Variants in PRMT9 observed in about 807,000 individuals in gnomAD.
PRMT9 encodes protein arginine methyltransferase 9, also known as protein arginine N-methyltransferase 9.
PRMT9 carries 59 observed loss-of-function variants against 83.2 expected under a neutral mutation model. That is an observed-to-expected ratio of 0.71 (90% CI 0.57 to 0.88). The LOEUF (loss-of-function observed/expected upper bound fraction) is 0.88, where lower values mean the gene tolerates loss of function less well. Among genes scored for constraint, PRMT9 ranks in the 40% least tolerant of loss-of-function variants. The pLI is 0.00. For synonymous variants in PRMT9, 333 were observed against 353.2 expected, an observed-to-expected ratio of 0.94 and a Z score of 0.64; for missense variants, 947 against 1,021.9, an observed-to-expected ratio of 0.93 and a Z score of 1.00.
At chr4:147,680,513 A>C in intron 1 of PRMT9, 42 bp from the exon 2 acceptor site, 1 of 1,420,390 alleles carries the variant, frequency 7.0e-7, no homozygotes, top group East Asian at 2.4e-5. Context: ...TCAATAACAT[A>C]AAAGATGAAA....
In PRMT9 at chr4:147,680,484, G is replaced by A. The variant is rs1261597089; in HGVS notation, c.190-13C>T. 6.3e-7 allele frequency: 1 copy of A among 1,593,146 alleles called. No individual in the cohort carries two copies. On this transcript the variant is annotated splice_polypyrimidine_tract_variant and intron_variant, in intron 1 of 11. Coordinates refer to ENST00000322396, the MANE Select transcript of PRMT9 (RefSeq NM_138364.4). ...ACTGAAAAGTTTCCTTTACAAATAA[G>A]AAAAAAATTATGAATTAGTCAATAA...
chr4:147,661,392 A>C (rs1050167594), intron 6 of PRMT9: 5 of 196,868 alleles, frequency 2.5e-5, no homozygotes, highest in Non-Finnish European at 5.1e-5. Flanking sequence ...AAAAACAAAA[A>C]TGGGCAAAAG....
chr4:147,641,911 C>T (rs1188671730), intron 10 of PRMT9, among the ~76,000 whole-genome samples: 1 of 152,204 alleles, frequency 6.6e-6, no homozygotes, highest in East Asian at 1.9e-4. Context: ...ATCCGCCCCA[C>T]CTTTGCCTCT....
chr4:147,683,393 T>C (rs968597626), intron 1 of PRMT9, among the ~76,000 whole-genome samples: 2 of 152,154 alleles, frequency 1.3e-5, no homozygotes, highest in Admixed American at 6.5e-5. Flanking sequence ...GAGAGCTCAG[T>C]TGAGAGCCGA....
At chr4:147,657,341 C>G (rs1460526373) in intron 8 of PRMT9, among the ~76,000 whole-genome samples, 1 of 151,860 alleles carries the variant, frequency 6.6e-6, no homozygotes, top group Non-Finnish European at 1.5e-5. Context: ...CTGGCTAACA[C>G]GGTGAAACTC....
At chr4:147,660,411 G>A (rs1270049511) in intron 7 of PRMT9, among the ~76,000 whole-genome samples, 2 of 152,094 alleles carry the variant, frequency 1.3e-5, no homozygotes, top group Admixed American at 6.6e-5. Flanking sequence ...TCAGCAGATC[G>A]CTTGAGCTCA....
chr4:147,676,752 T>G (rs1314300542), intron 2 of PRMT9, among the ~76,000 whole-genome samples: 2 of 152,144 alleles, frequency 1.3e-5, no homozygotes, highest in African/African-American at 2.4e-5. Context: ...TGAATAAAAC[T>G]TAATACAACT....
intron 5 of PRMT9, among the ~76,000 whole-genome samples, chr4:147,670,233 G>A (rs1183437097): frequency 6.6e-6 from 1 of 152,202 alleles, no homozygotes; most frequent in Non-Finnish European, 1.5e-5. Context: ...AGGCTGGAGT[G>A]CAATGGCGTG....
rs1734332249 is a variant in PRMT9, at chr4:147,654,290, C to G, written c.1607G>C (p.Gly536Ala). The G allele has an allele frequency of 6.2e-7, 1 of 1,614,052 alleles. No individual in the cohort carries two copies. Among genetic ancestry groups the G allele is most frequent in the South Asian group, 1.1e-5 (1 of 91,082 alleles). Reference protein sequence around the residue: ...ALLNNIPYHEGFKMAMSKVLS... With the variant: ...ALLNNIPYHEAFKMAMSKVLS... The stretch of plus-strand genomic sequence containing the variant: ...AACTTTGCTCATTGCCATTTTAAAG[C>G]CTTCATGATATGGGATGTTGTTAAG... Residue 536 changes from glycine to alanine, a missense_variant, in exon 9 of 12, where the codon GGC becomes GCC. Physicochemically the swap from Gly to Ala is moderately conservative, Grantham distance 60 (BLOSUM62 0). Transcript: ENST00000322396.
intron 6 of PRMT9, among the ~76,000 whole-genome samples, chr4:147,666,823 TAAA>T (rs67002013): frequency 8.7e-5 from 11 of 126,438 alleles, no homozygotes; most frequent in Non-Finnish European, 8.5e-5. Context: ...GAACTTTGTT[TAAA>T]AAAAAAAAAA....
At chr4:147,677,253 G>GT (rs1383996117) in intron 2 of PRMT9, among the ~76,000 whole-genome samples, 1 of 151,254 alleles carries the variant, frequency 6.6e-6, no homozygotes, top group Non-Finnish European at 1.5e-5. Flanking sequence ...GTTTTCACCA[G>GT]TTTTTCCTAA....
At chr4:147,640,069 TTTTTTTTTTTTTTTTTTTTTTAA>T (rs1254770679) in intron 10 of PRMT9, among the ~76,000 whole-genome samples, 2 of 86,096 alleles carry the variant, frequency 2.3e-5, no homozygotes, top group Non-Finnish European at 5.2e-5. Flanking sequence ...GTCTTTTTTT[TTTTTTTTTTTTTTTTTTTTTTAA>T]TATAGGGTCT....
intron 8 of PRMT9, 136 bp from the exon 9 acceptor site, chr4:147,654,702 AC>A: frequency 1.5e-6 from 1 of 652,800 alleles, no homozygotes; most frequent in Non-Finnish European, 2.6e-6. Flanking sequence ...CATTTAATAT[AC>A]AAAAAACTAG....
chr4:147,673,227 T>C (rs937197797), intron 3 of PRMT9, 101 bp from the exon 4 acceptor site: 4 of 1,007,832 alleles, frequency 4.0e-6, no homozygotes, highest in Non-Finnish European at 6.1e-6. Context: ...TTTCCTTTTA[T>C]TCTTTAACAC....
At chr4:147,664,711 G>C (rs947589032) in intron 6 of PRMT9, among the ~76,000 whole-genome samples, 1 of 151,938 alleles carries the variant, frequency 6.6e-6, no homozygotes, top group Non-Finnish European at 1.5e-5. Context: ...CTAGATGATG[G>C]GTTGATAGGT....
intron 3 of PRMT9, 32 bp from the exon 4 acceptor site, chr4:147,673,158 AAATAATCTACTGT>A: frequency 2.5e-6 from 4 of 1,604,518 alleles, no homozygotes; most frequent in Non-Finnish European, 3.4e-6. Flanking sequence ...CATCAAGAAA[AAATAATCTACTGT>A]ATTTTCTCAA....
intron 8 of PRMT9, among the ~76,000 whole-genome samples, chr4:147,657,499 G>GGGCAAAAGAGCGAGACTCT (rs1734598144): frequency 6.6e-6 from 1 of 151,286 alleles, no homozygotes; most frequent in East Asian, 1.9e-4. Flanking sequence ...CAATCGGCCT[G>GGGCAAAAGAGCGAGACTCT]GGCAAAAGAG....
chr4:147,654,654 C>T (rs1428737654), intron 8 of PRMT9, 88 bp from the exon 9 acceptor site: 1 of 834,840 alleles, frequency 1.2e-6, no homozygotes, highest in Non-Finnish European at 2.0e-6. Flanking sequence ...ATCTAGCCCC[C>T]CATTCTTTAG....
chr4:147,679,312 G>A (rs937370604), intron 2 of PRMT9, among the ~76,000 whole-genome samples: 1 of 152,066 alleles, frequency 6.6e-6, no homozygotes, highest in Non-Finnish European at 1.5e-5. Flanking sequence ...GGCATGTACT[G>A]CAATTCCAGC....
Sources: allele counts gnomAD v4.1 joint callset (sites outside exome capture counted in the v4.1 genomes callset), GRCh38; gene constraint gnomAD v4.1.1; transcripts MANE v1.5; gene names NCBI Gene and HGNC (gene_info 2026-07-23, HGNC 2026-07-21).